Variants in PUM2 observed in about 807,000 individuals in gnomAD.
PUM2 encodes the protein pumilio RNA binding family member 2, also known as pumilio homolog 2.
PUM2 carries 57 observed loss-of-function variants against 124.5 expected under a neutral mutation model. The observed-to-expected ratio is 0.46, with a 90% CI of 0.37 to 0.57. The LOEUF (loss-of-function observed/expected upper bound fraction) is 0.57. Among genes scored for constraint, PUM2 ranks in the 20% least tolerant of loss-of-function variants. The probability of loss-of-function intolerance (pLI) is 0.00; values close to 1 mark genes in which losing one functional copy is unlikely to be tolerated. For synonymous variants in PUM2, 460 were observed against 446.1 expected, an observed-to-expected ratio of 1.03 and a Z score of -0.39; for missense variants, 1,065 against 1,290.6, an observed-to-expected ratio of 0.83 and a Z score of 2.68.
intron 1 of PUM2, among the ~76,000 whole-genome samples, chr2:20,346,587 A>C (rs1004893957): frequency 6.6e-5 from 10 of 152,176 alleles, no homozygotes; most frequent in Admixed American, 1.3e-4. Flanking sequence ...AGGGATCACC[A>C]CTTTGAGATC....
intron 19 of PUM2, 149 bp downstream of exon 19, chr2:20,254,714 C>T: frequency 1.3e-6 from 1 of 785,176 alleles, no homozygotes; most frequent in South Asian, 3.0e-5. Flanking sequence ...TTTTAAAAAA[C>T]AAAAGCAATG....
In PUM2 at chr2:20,285,587, A is replaced by G. The variant is rs149707616; in HGVS notation, c.1292-2101T>C. Among the ~76,000 whole-genome samples the G allele has an allele frequency of 1.8e-3, 269 of 152,184 alleles. 1 individual carries two copies. The highest frequency in any genetic ancestry group is 5.8e-3 in the African/African-American group (242 of 41,516). ...CATTCTGTTCCTCTGTCACAGCATG[A>G]TATTTTTTCCCACTCTCATTCTCTA... On this transcript the variant is annotated intron_variant, in intron 10 of 20. Transcript: ENST00000361078.
intron 13 of PUM2, among the ~76,000 whole-genome samples, chr2:20,275,544 A>T (rs932667926): frequency 6.6e-6 from 1 of 152,110 alleles, no homozygotes; most frequent in Non-Finnish European, 1.5e-5. Context: ...TGGAAAAAAA[A>T]TTATCAAAGG....
chr2:20,272,827 A>G (rs990330554), intron 13 of PUM2, among the ~76,000 whole-genome samples: 1 of 152,206 alleles, frequency 6.6e-6, no homozygotes, highest in Non-Finnish European at 1.5e-5. Context: ...TGTAACTTCC[A>G]TCAGCATTTT....
chr2:20,305,550 GC>G (rs141943088), intron 7 of PUM2, among the ~76,000 whole-genome samples: 5,240 of 148,766 alleles, frequency 0.035, 123 homozygotes, highest in Non-Finnish European at 0.055. Context: ...TGAAAAAACT[GC>G]AGATACACAG....
chr2:20,318,829 G>A (rs1472852258), intron 2 of PUM2, among the ~76,000 whole-genome samples, 184 bp from the exon 3 acceptor site: 4 of 152,018 alleles, frequency 2.6e-5, no homozygotes, highest in African/African-American at 9.7e-5. Flanking sequence ...TTTGTGTGCT[G>A]GTGCTAGTAA....
At position 20,313,533 on chromosome 2, in the gene PUM2, G is replaced by A. The variant is rs374302305; in HGVS notation, c.161-1110C>T. On this transcript the variant is annotated intron_variant, in intron 3 of 20. Transcript: ENST00000361078. Reference sequence around the variant, plus strand: ...TAACAATTCATAATATAAACCTTCAGGGATAAAACCTAGAAGAGGCTGGAC... The same window carrying A: ...TAACAATTCATAATATAAACCTTCAAGGATAAAACCTAGAAGAGGCTGGAC... Among the ~76,000 whole-genome samples the A allele has an allele frequency of 3.3e-5, 5 of 152,216 alleles. No individual in the cohort carries two copies. In the East Asian group the frequency reaches 5.8e-4, roughly 18 times the overall value.
At chr2:20,263,164 A>C in intron 14 of PUM2, 29 bp downstream of exon 14, 1 of 1,544,680 alleles carries the variant, frequency 6.5e-7, no homozygotes, top group Non-Finnish European at 8.9e-7. Context: ...CAAAGCAAAA[A>C]TGAAGTGAGA....
At chr2:20,316,391 CAT>C (rs1680943755) in intron 3 of PUM2, among the ~76,000 whole-genome samples, 1 of 151,552 alleles carries the variant, frequency 6.6e-6, no homozygotes, top group Non-Finnish European at 1.5e-5. Context: ...GAAAATATCT[CAT>C]GATTAACACT....
At chr2:20,263,934 A>G (rs1207152336) in intron 13 of PUM2, among the ~76,000 whole-genome samples, 2 of 152,220 alleles carry the variant, frequency 1.3e-5, no homozygotes, top group Non-Finnish European at 2.9e-5. Context: ...TGTAAAAATA[A>G]ATCAATTCTT....
Position 20,250,791 on chromosome 2 carries a change from A to C in PUM2, c.*794T>G, listed in dbSNP as rs940336958. On this transcript the variant is annotated 3_prime_UTR_variant, in exon 21 of 21. Transcript: ENST00000361078. ...TTCCACTCTTTCTCATTGCAAACCA[A>C]ACTGAAAAGTTAATAAGTGACTTAA... is the stretch of plus-strand genomic sequence containing the variant. 3 of 152,620 alleles carry C rather than the reference A, an allele frequency of 2.0e-5. No individual in the cohort carries two copies. Among genetic ancestry groups the C allele is most frequent in the Non-Finnish European group, 4.4e-5 (3 of 67,990 alleles). 9.5% of individuals were successfully genotyped at this position (152,620 alleles called of 1,614,324 possible).
chr2:20,254,281 C>T (rs1664227457), intron 19 of PUM2, among the ~76,000 whole-genome samples: 1 of 152,064 alleles, frequency 6.6e-6, no homozygotes. Flanking sequence ...CCACCTCAGC[C>T]TCCCCCATAG....
At chr2:20,279,816 G>A (rs1671085882) in intron 12 of PUM2, among the ~76,000 whole-genome samples, 1 of 152,070 alleles carries the variant, frequency 6.6e-6, no homozygotes, top group Non-Finnish European at 1.5e-5. Flanking sequence ...TCTAAGGGCT[G>A]TCCAAACTCT....
chr2:20,325,870 C>A (rs368753702), intron 2 of PUM2, among the ~76,000 whole-genome samples: 6 of 152,300 alleles, frequency 3.9e-5, no homozygotes, highest in African/African-American at 1.4e-4. Flanking sequence ...ATCCGCCCAC[C>A]TTGGACTCCC....
chr2:20,291,630 G>A (rs1004742543), intron 9 of PUM2, among the ~76,000 whole-genome samples: 5 of 144,608 alleles, frequency 3.5e-5, no homozygotes, highest in Non-Finnish European at 7.7e-5. Flanking sequence ...TCTTTTTCTT[G>A]TGTTTCTCTT....
chr2:20,296,419 C>CCA (rs1386479619), intron 8 of PUM2, among the ~76,000 whole-genome samples: 2 of 151,606 alleles, frequency 1.3e-5, no homozygotes, highest in African/African-American at 2.4e-5. Flanking sequence ...GGTGTGAACC[C>CCA]GGGAGGCGGA....
chr2:20,297,717 A>T (rs1044392661), intron 7 of PUM2, 39 bp from the exon 8 acceptor site: 4 of 1,592,260 alleles, frequency 2.5e-6, no homozygotes, highest in African/African-American at 1.3e-5. Context: ...ACAACAATGT[A>T]AAGTATGATT....
intron 2 of PUM2, 112 bp downstream of exon 2, chr2:20,327,198 T>C (rs373012353): frequency 4.1e-6 from 3 of 728,416 alleles, no homozygotes; most frequent in Non-Finnish European, 4.8e-6. Context: ...TCCATATAGT[T>C]TGGAAGATAT....
In PUM2 at chr2:20,260,329, A is replaced by C. The variant is rs756508993; in HGVS notation, c.2355+8T>G. The C allele has an allele frequency of 2.4e-5, 39 of 1,607,234 alleles. No individual in the cohort carries two copies. Among genetic ancestry groups the C allele is most frequent in the Non-Finnish European group, 3.3e-5 (39 of 1,175,890 alleles). On this transcript the variant is annotated splice_region_variant and intron_variant, in intron 15 of 20. Coordinates refer to ENST00000361078, the MANE Select transcript of PUM2 (RefSeq NM_015317.5). Reference sequence around the variant, plus strand: ...TGGGCGGATATACAAATATGCATGAATCCTTACCTCAAAAAACTTCTGTAT... The same window carrying C: ...TGGGCGGATATACAAATATGCATGACTCCTTACCTCAAAAAACTTCTGTAT...
Sources: allele counts gnomAD v4.1 joint callset (sites outside exome capture counted in the v4.1 genomes callset), GRCh38; gene constraint gnomAD v4.1.1; transcripts MANE v1.5; gene names NCBI Gene and HGNC (gene_info 2026-07-23, HGNC 2026-07-21).